The following SLC3A2 variants were observed in gnomAD, a reference collection of about 807,000 sequenced individuals.
The protein encoded by SLC3A2 is amino acid transporter heavy chain SLC3A2.
A neutral mutation model predicts 48.5 loss-of-function variants in SLC3A2; 32 were observed. The observed-to-expected ratio is 0.66, with a 90% CI of 0.50 to 0.89. The LOEUF is 0.89. Among genes scored for constraint, SLC3A2 ranks in the 40% least tolerant of loss-of-function variants. SLC3A2 has a pLI of 0.00. For synonymous variants in SLC3A2, 277 were observed against 288.8 expected (o/e 0.96, Z 0.41); for missense variants, 587 against 680.7 (o/e 0.86, Z 1.53).
rs114506587 is a variant in SLC3A2, at chr11:62,881,314, T to G, written c.291T>G (p.Ala97=). 871 of 1,579,770 alleles carry G rather than the reference T, an allele frequency of 5.5e-4. 2 individuals carry two copies. In the African/African-American group the frequency reaches 8.5e-3, roughly 15 times the overall value. The stretch of plus-strand genomic sequence containing the variant: ...GGCTCGGCTGGCTCGGCATGCTTGC[T>G]GGTGCCGTGGTCATAATCGTGCGAG... ...LFWLGWLGML[A]GAVVIIVRAP... is the part of the protein sequence containing the mutation. The change falls in exon 1 of 9, where the codon GCT becomes GCG. Residue 97 remains alanine, a synonymous_variant. Coordinates refer to ENST00000338663, the MANE Select transcript of SLC3A2 (RefSeq NM_001013251.3). The surrounding 1 kb of genome is among the most constrained non-coding windows in gnomAD (Gnocchi z 4.0).
chr11:62,856,315 C>G, exon 1 of SLC3A2: 2 of 1,613,638 alleles, frequency 1.2e-6, no homozygotes, highest in Non-Finnish European at 8.5e-7. Flanking sequence ...CGTGTCGATT[C>G]CGCGCCAGTT....
At position 62,881,359 on chromosome 11, in the gene SLC3A2, A is replaced by G. The variant is rs779560556; in HGVS notation, c.336A>G (p.Leu112=). Reference sequence around the variant, plus strand: ...TGCGAGCGCCGCGTTGTCGCGAGCTACCGGCGCAGAAGTGGTGGCACACGG... The same window carrying G: ...TGCGAGCGCCGCGTTGTCGCGAGCTGCCGGCGCAGAAGTGGTGGCACACGG... ...IIVRAPRCRE[L]PAQKWWHTGA... is the part of the protein sequence containing the mutation. Residue 112 remains leucine, a synonymous_variant, in exon 1 of 9, where the codon CTA becomes CTG. Coordinates refer to ENST00000338663, the MANE Select transcript of SLC3A2 (RefSeq NM_001013251.3). The surrounding 1 kb of genome is among the most constrained non-coding windows in gnomAD (Gnocchi z 4.0). The G allele has an allele frequency of 2.5e-6, 4 of 1,596,956 alleles. No individual in the cohort carries two copies. Among genetic ancestry groups the G allele is most frequent in the South Asian group, 1.1e-5 (1 of 89,654 alleles).
intron 7 of SLC3A2, among the ~76,000 whole-genome samples, chr11:62,885,902 A>T (rs1005122069): frequency 7.2e-5 from 11 of 152,188 alleles, no homozygotes; most frequent in African/African-American, 2.7e-4. Context: ...TCATTTATTC[A>T]TTCCTTTATT....
intron 1 of SLC3A2, among the ~76,000 whole-genome samples, chr11:62,875,559 G>A (rs1275241695): frequency 2.0e-5 from 3 of 152,162 alleles, no homozygotes; most frequent in South Asian, 2.1e-4. Flanking sequence ...CTTCTTAGAT[G>A]TTTTTAGTTG....
intron 1 of SLC3A2, among the ~76,000 whole-genome samples, chr11:62,863,624 G>A (rs2085424059): frequency 6.6e-6 from 1 of 152,184 alleles, no homozygotes; most frequent in Non-Finnish European, 1.5e-5. Flanking sequence ...CTCATGCAAT[G>A]TACTAATGTT....
At chr11:62,872,198 G>A (rs938892869) in intron 1 of SLC3A2, among the ~76,000 whole-genome samples, 1 of 152,200 alleles carries the variant, frequency 6.6e-6, no homozygotes, top group Non-Finnish European at 1.5e-5. Flanking sequence ...ACAGGCGTAA[G>A]CCACTGCACC....
chr11:62,887,840 T>C, intron 7 of SLC3A2: 1 of 257,592 alleles, frequency 3.9e-6, no homozygotes, highest in Non-Finnish European at 7.6e-6. Context: ...TTGCCCAGGC[T>C]GGAGTACAGT....
At chr11:62,874,357 C>T (rs2085549314) in intron 1 of SLC3A2, among the ~76,000 whole-genome samples, 1 of 152,052 alleles carries the variant, frequency 6.6e-6, no homozygotes, top group African/African-American at 2.4e-5. Context: ...ACATACTGAC[C>T]TGCTATTTCT....
chr11:62,878,597 C>A (rs1047050827), upstream of SLC3A2, among the ~76,000 whole-genome samples: 4 of 149,690 alleles, frequency 2.7e-5, no homozygotes, highest in Non-Finnish European at 5.9e-5. Flanking sequence ...TCCTAAGTAG[C>A]TGGGACTACA....
chr11:62,856,285 C>G (rs780988974), exon 1 of SLC3A2: 2 of 1,613,194 alleles, frequency 1.2e-6, no homozygotes, highest in South Asian at 2.2e-5. Context: ...GCTACAGCCT[C>G]CTGAAGCCTC....
At chr11:62,875,209 GA>G (rs1446208386) in intron 1 of SLC3A2, among the ~76,000 whole-genome samples, 2 of 152,186 alleles carry the variant, frequency 1.3e-5, no homozygotes, top group Non-Finnish European at 2.9e-5. Context: ...GTCTCCTGAA[GA>G]GTTTCTAGCT....
At chr11:62,861,639 G>A (rs1221995643) in intron 1 of SLC3A2, among the ~76,000 whole-genome samples, 2 of 152,060 alleles carry the variant, frequency 1.3e-5, no homozygotes, top group African/African-American at 4.8e-5. Flanking sequence ...TGGTCGGTCG[G>A]GCACAGTGGC....
At chr11:62,883,065 A>G (rs1017727165) in intron 3 of SLC3A2, 66 bp downstream of exon 3, 3 of 1,459,676 alleles carry the variant, frequency 2.1e-6, no homozygotes, top group African/African-American at 2.8e-5. Context: ...TTTCACAGCA[A>G]GCCCTGTAGA....
intron 1 of SLC3A2, among the ~76,000 whole-genome samples, chr11:62,862,793 G>A (rs2085415632): frequency 6.6e-6 from 1 of 152,138 alleles, no homozygotes; most frequent in South Asian, 2.1e-4. Flanking sequence ...GAGGTCTGGA[G>A]AGTGTTTGTT....
chr11:62,877,911 C>T (rs898607818), upstream of SLC3A2, among the ~76,000 whole-genome samples: 3 of 152,182 alleles, frequency 2.0e-5, no homozygotes, highest in African/African-American at 7.2e-5. Context: ...AATCCCAGCA[C>T]TTTGGGAGGC....
intron 1 of SLC3A2, among the ~76,000 whole-genome samples, chr11:62,869,667 T>C (rs2085491031): frequency 6.6e-6 from 1 of 152,018 alleles, no homozygotes; most frequent in African/African-American, 2.4e-5. Context: ...TCAGATAGTA[T>C]GTCTTCTATT....
rs1232285250 is a variant in SLC3A2, at chr11:62,881,163, TGGCGGAAGACGA to T, written c.147_158del (p.Asp50_Glu53del). ...AAGAATGGTCTGGTGAAGATCAAGG[TGGCGGAAGACGA>T]GGCGGAGGCGGCAGCCGCGGCTAAG... On this transcript the variant is annotated inframe_deletion, in exon 1 of 9. Coordinates refer to ENST00000338663, the MANE Select transcript of SLC3A2 (RefSeq NM_001013251.3). The surrounding 1 kb of genome is among the most constrained non-coding windows in gnomAD (Gnocchi z 4.0). The T allele has an allele frequency of 4.4e-6, 7 of 1,599,456 alleles. No homozygotes were observed. Among genetic ancestry groups the T allele is most frequent in the Non-Finnish European group, 6.0e-6 (7 of 1,174,928 alleles).
chr11:62,859,158 G>T (rs1305454399), intron 1 of SLC3A2, among the ~76,000 whole-genome samples: 1 of 152,108 alleles, frequency 6.6e-6, no homozygotes, highest in Admixed American at 6.6e-5. Context: ...ACAATACCTG[G>T]CTTTCCTAGG....
intron 1 of SLC3A2, chr11:62,870,650 G>A (rs1007757221): frequency 6.6e-6 from 1 of 150,928 alleles, no homozygotes; most frequent in Admixed American, 6.7e-5. Context: ...CTCGTTTTCT[G>A]TTCCGTTGGA....
Sources: allele counts gnomAD v4.1 joint callset (sites outside exome capture counted in the v4.1 genomes callset), GRCh38; gene constraint gnomAD v4.1.1; non-coding constraint Gnocchi (gnomAD v3.1); transcripts MANE v1.5; gene names NCBI Gene and HGNC (gene_info 2026-07-23, HGNC 2026-07-21).